The following AFAP1L2 variants were observed in gnomAD, a reference collection of about 807,000 sequenced individuals.
AFAP1L2 encodes actin filament associated protein 1 like 2.
Under a neutral mutation model 99.3 loss-of-function variants are expected in AFAP1L2, and 46 were observed. The ratio of observed to expected loss-of-function variants is 0.46; its 90% CI spans 0.37 to 0.59. AFAP1L2 has a LOEUF of 0.59. AFAP1L2 is among the 20% of genes least tolerant of loss of function. The pLI, the probability that AFAP1L2 is intolerant of heterozygous loss-of-function variation, is 0.00. For synonymous variants in AFAP1L2, 397 were observed against 419.1 expected (o/e 0.95, Z 0.64); for missense variants, 959 against 1,034.9 (o/e 0.93, Z 1.01).
chr10:114,340,704 T>C lies in AFAP1L2; in HGVS notation c.44A>G (p.Asp15Gly). The C allele has an allele frequency of 6.2e-7, 1 of 1,614,178 alleles. No individual in the cohort carries two copies. Among genetic ancestry groups the C allele is most frequent in the Non-Finnish European group, 8.5e-7 (1 of 1,180,022 alleles). The change falls in exon 2 of 19, where the codon GAT becomes GGT. Residue 15 changes from aspartate to glycine, a missense_variant. By Grantham distance (94) the Asp-to-Gly change is moderately conservative. Coordinates refer to ENST00000304129, the MANE Select transcript of AFAP1L2 (RefSeq NM_001001936.3). Reference sequence around the variant, plus strand: ...CTGGTCAAGAATCTTGAGGAAGTCATCCAACTCTGTCAGCAGCTGTTCCAG... The same window carrying C: ...CTGGTCAAGAATCTTGAGGAAGTCACCCAACTCTGTCAGCAGCTGTTCCAG... Reference protein sequence around the residue: ...KALEQLLTELDDFLKILDQEN... With the variant: ...KALEQLLTELGDFLKILDQEN...
intron 2 of AFAP1L2, among the ~76,000 whole-genome samples, chr10:114,337,126 G>A (rs576794878): frequency 3.9e-5 from 6 of 152,214 alleles, no homozygotes; most frequent in African/African-American, 9.6e-5. Context: ...GTGTGTTTAC[G>A]ATTCTGTCCT....
chr10:114,369,607 A>AC (rs1392389181), intron 1 of AFAP1L2, among the ~76,000 whole-genome samples: 1 of 151,832 alleles, frequency 6.6e-6, no homozygotes, highest in African/African-American at 2.4e-5. Context: ...AAAAAAAAAA[A>AC]AAAAAAAACT....
intron 2 of AFAP1L2, 32 bp from the exon 3 acceptor site, chr10:114,333,327 G>A: frequency 6.3e-7 from 1 of 1,579,000 alleles, no homozygotes; most frequent in Non-Finnish European, 8.7e-7. Flanking sequence ...GGCTTTGTGT[G>A]ACTTCCTGAA....
intron 1 of AFAP1L2, among the ~76,000 whole-genome samples, chr10:114,350,568 G>C (rs887497514): frequency 6.6e-6 from 1 of 152,140 alleles, no homozygotes; most frequent in Non-Finnish European, 1.5e-5. Flanking sequence ...TTCTGGGCTG[G>C]TCAGTCCAGT....
At chr10:114,286,481 C>T in the AFAP1L2 span, 1 of 1,590,008 alleles carries the variant, frequency 6.3e-7, no homozygotes, top group African/African-American at 1.3e-5. Flanking sequence ...CCCTGAGCTG[C>T]AGGGGAAGCT....
At chr10:114,340,126 G>A (rs1383683997) in intron 2 of AFAP1L2, among the ~76,000 whole-genome samples, 3 of 149,268 alleles carry the variant, frequency 2.0e-5, no homozygotes, top group African/African-American at 5.0e-5. Context: ...GAGCCCAGGA[G>A]CTCAAGACCA....
the AFAP1L2 span, chr10:114,284,935 T>A: frequency 6.2e-7 from 1 of 1,605,476 alleles, no homozygotes; most frequent in Non-Finnish European, 8.5e-7. Flanking sequence ...TACCAGTGCC[T>A]CTGCCCGCTG....
chr10:114,294,360 TGTCA>T (rs1269417296), downstream of AFAP1L2, among the ~76,000 whole-genome samples: 2 of 152,234 alleles, frequency 1.3e-5, no homozygotes, highest in African/African-American at 4.8e-5. Context: ...TGAAAAATCT[TGTCA>T]GTATCTGTAT....
At chr10:114,395,697 C>T (rs998024254) in intron 1 of AFAP1L2, among the ~76,000 whole-genome samples, 1 of 152,162 alleles carries the variant, frequency 6.6e-6, no homozygotes, top group Non-Finnish European at 1.5e-5. Flanking sequence ...AGACAGTCCC[C>T]TAAACCCAAA....
At chr10:114,282,017 CT>C in the AFAP1L2 span, among the ~76,000 whole-genome samples, 8 of 119,646 alleles carry the variant, frequency 6.7e-5, no homozygotes, top group East Asian at 2.7e-4. Flanking sequence ...CTTATGTTAC[CT>C]TTTTTTTTTG....
At position 114,387,302 on chromosome 10, in the gene AFAP1L2, T is replaced by C. The variant is rs186151897; in HGVS notation, c.16+17138A>G. On this transcript the variant is annotated intron_variant, in intron 1 of 18. Coordinates refer to ENST00000304129, the MANE Select transcript of AFAP1L2 (RefSeq NM_001001936.3). ...TCTGCATTGTGAGGAAAGTGGTGAT[T>C]ATTACAGATGGGGGAAACTGAAGCT... is the stretch of plus-strand genomic sequence containing the variant. Among the ~76,000 whole-genome samples, 477 of 152,296 alleles carry C rather than the reference T, an allele frequency of 3.1e-3. 2 individuals are homozygous for C. Among genetic ancestry groups the C allele is most frequent in the African/African-American group, 0.011 (458 of 41,554 alleles).
chr10:114,319,644 A>G, intron 5 of AFAP1L2: 1 of 1,289,614 alleles, frequency 7.8e-7, no homozygotes, highest in Non-Finnish European at 1.0e-6. Context: ...CGCCAGAGTG[A>G]CCTGCATAAC....
Position 114,295,882 on chromosome 10 carries a change from G to T in AFAP1L2, c.*160C>A, listed in dbSNP as rs906887723. 2.0e-6 allele frequency: 3 copies of T among 1,511,676 alleles called. No homozygotes were observed. In the African/African-American group the frequency reaches 4.2e-5, roughly 21 times the overall value. 93.6% of individuals were successfully genotyped at this position (1,511,676 alleles called of 1,614,324 possible). On this transcript the variant is annotated 3_prime_UTR_variant, in exon 19 of 19. Transcript: ENST00000304129. ...ATTATTTCCTTTGGCTCTGAAAAGG[G>T]ACAGAGCCTCCTCTTAGCTGAAGCT...
chr10:114,335,594 C>T (rs2047841523), intron 2 of AFAP1L2, among the ~76,000 whole-genome samples: 1 of 135,614 alleles, frequency 7.4e-6, no homozygotes, highest in African/African-American at 2.6e-5. Context: ...GCCTGGTCAA[C>T]AGAGCAAGAC....
chr10:114,315,001 C>T (rs182489704), intron 6 of AFAP1L2, among the ~76,000 whole-genome samples: 2 of 152,096 alleles, frequency 1.3e-5, no homozygotes, highest in Non-Finnish European at 2.9e-5. Flanking sequence ...ATTAGCCAGG[C>T]GTGGTGGCGG....
chr10:114,396,195 C>T (rs2057698077), intron 1 of AFAP1L2, among the ~76,000 whole-genome samples: 1 of 152,158 alleles, frequency 6.6e-6, no homozygotes, highest in African/African-American at 2.4e-5. Flanking sequence ...CACAGCCTTC[C>T]AACAGGCTGT....
intron 1 of AFAP1L2, among the ~76,000 whole-genome samples, chr10:114,380,968 C>T (rs2055534761): frequency 6.6e-6 from 1 of 152,154 alleles, no homozygotes; most frequent in Non-Finnish European, 1.5e-5. Flanking sequence ...TACCACATGA[C>T]CCAACAATTT....
At chr10:114,379,031 T>C (rs951959750) in intron 1 of AFAP1L2, among the ~76,000 whole-genome samples, 1 of 149,186 alleles carries the variant, frequency 6.7e-6, no homozygotes, top group African/African-American at 2.4e-5. Flanking sequence ...GCCAATATGG[T>C]GAAACCCCGT....
chr10:114,342,617 A>G (rs983564977), intron 1 of AFAP1L2, among the ~76,000 whole-genome samples: 1 of 152,166 alleles, frequency 6.6e-6, no homozygotes, highest in Non-Finnish European at 1.5e-5. Flanking sequence ...AGATGCTACC[A>G]TGTTGGCTTT....
Sources: gnomAD v4.1 joint callset for allele counts (sites outside exome capture counted in the v4.1 genomes callset) on GRCh38, gnomAD v4.1.1 for gene constraint, MANE v1.5 for transcripts, NCBI Gene and HGNC (gene_info 2026-07-23, HGNC 2026-07-21) for gene names.